Variants in KIAA1958 observed in about 807,000 individuals in gnomAD.
KIAA1958 encodes the protein uncharacterized protein KIAA1958.
In KIAA1958, 14 loss-of-function variants were observed where a neutral mutation model predicts 47.2. The ratio of observed to expected loss-of-function variants is 0.30; its 90% CI spans 0.20 to 0.46. The LOEUF (loss-of-function observed/expected upper bound fraction) is 0.46, where lower values mean the gene tolerates loss of function less well. KIAA1958 is among the 20% of genes least tolerant of loss of function. The pLI is 1.00. For synonymous variants in KIAA1958, 354 were observed against 353.3 expected (o/e 1.00, Z -0.02); for missense variants, 803 against 909.2 (o/e 0.88, Z 1.50).
intron 1 of KIAA1958, among the ~76,000 whole-genome samples, chr9:112,530,687 A>T (rs940634475): frequency 1.3e-5 from 2 of 152,254 alleles, no homozygotes; most frequent in Admixed American, 6.5e-5. Flanking sequence ...AAATCATATT[A>T]GAGAATTTTT....
chr9:112,632,195 TTTA>T (rs1836722234), intron 2 of KIAA1958, among the ~76,000 whole-genome samples: 1 of 152,168 alleles, frequency 6.6e-6, no homozygotes, highest in South Asian at 2.1e-4. Context: ...TATAAATCGT[TTTA>T]TTTTTCATAT....
At chr9:112,569,155 G>A (rs1835486875) in intron 1 of KIAA1958, among the ~76,000 whole-genome samples, 1 of 151,980 alleles carries the variant, frequency 6.6e-6, no homozygotes, top group South Asian at 2.1e-4. Flanking sequence ...TCTATATGTG[G>A]TACTGTTCTT....
In KIAA1958 at chr9:112,574,212, G is replaced by A; in HGVS notation, c.132G>A (p.Leu44=). 1 of 1,614,070 alleles carries A rather than the reference G, an allele frequency of 6.2e-7. No homozygotes were observed. Among genetic ancestry groups the A allele is most frequent in the Non-Finnish European group, 8.5e-7 (1 of 1,179,954 alleles). Residue 44 remains leucine (L), a synonymous_variant, in exon 2 of 4, where the codon CTG becomes CTA. Transcript: ENST00000337530. ...HLLSEGSHGN[L]TAMWGCSAGH... ...TTTCTGAAGGTTCCCATGGGAACCT[G>A]ACAGCAATGTGGGGCTGTAGTGCTG...
intron 1 of KIAA1958, among the ~76,000 whole-genome samples, chr9:112,507,728 AT>A (rs1157160002): frequency 6.6e-6 from 1 of 152,172 alleles, no homozygotes; most frequent in Non-Finnish European, 1.5e-5. Context: ...AGATCAAAGT[AT>A]AACCCTAAAA....
At chr9:112,581,155 C>A (rs888271982) in intron 2 of KIAA1958, among the ~76,000 whole-genome samples, 10 of 152,088 alleles carry the variant, frequency 6.6e-5, no homozygotes, top group Non-Finnish European at 1.5e-4. Context: ...ACCTTAGCTA[C>A]GTCATTTCAC....
intron 1 of KIAA1958, among the ~76,000 whole-genome samples, chr9:112,507,616 T>C (rs1448872935): frequency 6.6e-6 from 1 of 152,242 alleles, no homozygotes; most frequent in Non-Finnish European, 1.5e-5. Flanking sequence ...CCCAAAGTGC[T>C]GGGATTACAG....
chr9:112,507,860 T>C (rs1217430716), intron 1 of KIAA1958, among the ~76,000 whole-genome samples: 1 of 152,072 alleles, frequency 6.6e-6, no homozygotes, highest in Non-Finnish European at 1.5e-5. Context: ...CTTGACTTCC[T>C]GGGCTCAAGC....
At chr9:112,598,197 G>A (rs536402073) in intron 2 of KIAA1958, among the ~76,000 whole-genome samples, 6 of 152,242 alleles carry the variant, frequency 3.9e-5, no homozygotes, top group African/African-American at 1.2e-4. Flanking sequence ...TCCTGATGAG[G>A]GGCCAGCTCG....
intron 3 of KIAA1958, among the ~76,000 whole-genome samples, chr9:112,649,463 A>G (rs1210803759): frequency 6.6e-6 from 1 of 152,096 alleles, no homozygotes; most frequent in Non-Finnish European, 1.5e-5. Flanking sequence ...CCCACCTGAG[A>G]ATTTTAAAAA....
chr9:112,564,602 A>C (rs1835396400), intron 1 of KIAA1958, among the ~76,000 whole-genome samples: 2 of 152,222 alleles, frequency 1.3e-5, no homozygotes. Context: ...TTTGAAAGAA[A>C]AAGTATTTTC....
intron 1 of KIAA1958, among the ~76,000 whole-genome samples, chr9:112,517,133 A>G (rs1323646649): frequency 2.9e-4 from 1 of 3,498 alleles, no homozygotes; most frequent in Non-Finnish European, 5.8e-4. Context: ...GGCAGCTTCC[A>G]TATTTAATAT....
rs1837341322 is a variant in KIAA1958, at chr9:112,665,493, G to A, written c.*5424G>A. 2.0e-5 allele frequency: 3 copies of A among 152,142 alleles called. No homozygotes were observed. The highest frequency in any genetic ancestry group is 2.0e-4 in the Admixed American group (3 of 15,278). 9.4% of individuals were successfully genotyped at this position (152,142 alleles called of 1,614,324 possible). ...TAAGTTTGTAAGTTGGAGAATGCAG[G>A]TTTTCTGACTCCAAATCTAGTGCTC... On this transcript the variant is annotated 3_prime_UTR_variant, in exon 4 of 4. Coordinates refer to ENST00000337530, the MANE Select transcript of KIAA1958 (RefSeq NM_133465.4).
chr9:112,523,146 AGT>A, intron 1 of KIAA1958, among the ~76,000 whole-genome samples: 2 of 152,288 alleles, frequency 1.3e-5, no homozygotes, highest in South Asian at 4.1e-4. Context: ...TTATTTGAGA[AGT>A]GGTATTACAT....
chr9:112,569,860 G>A (rs751515934), intron 1 of KIAA1958, among the ~76,000 whole-genome samples: 18 of 152,116 alleles, frequency 1.2e-4, no homozygotes, highest in Non-Finnish European at 2.5e-4. Flanking sequence ...GTGACCTCAA[G>A]TGATCCACCC....
chr9:112,551,067 A>G, intron 1 of KIAA1958, among the ~76,000 whole-genome samples: 1 of 147,464 alleles, frequency 6.8e-6, no homozygotes. Flanking sequence ...TAGGGAGGTT[A>G]TAGTTTTGTC....
chr9:112,598,471 G>C (rs2131197508), intron 2 of KIAA1958, among the ~76,000 whole-genome samples: 1 of 152,298 alleles, frequency 6.6e-6, no homozygotes. Flanking sequence ...CACTCAGGCT[G>C]CTGTGTGGAG....
chr9:112,493,674 A>G (rs1270754624), intron 1 of KIAA1958, among the ~76,000 whole-genome samples: 3 of 152,202 alleles, frequency 2.0e-5, no homozygotes, highest in Non-Finnish European at 2.9e-5. Flanking sequence ...TTCTGTAATC[A>G]TCTAGTAGTC....
chr9:112,602,739 A>G (rs557244256), intron 2 of KIAA1958, among the ~76,000 whole-genome samples: 1 of 152,258 alleles, frequency 6.6e-6, no homozygotes, highest in South Asian at 2.1e-4. Context: ...TCATTTTAAT[A>G]CCATTTTTAC....
intron 2 of KIAA1958, among the ~76,000 whole-genome samples, chr9:112,634,308 A>C (rs1836762594): frequency 1.3e-5 from 2 of 152,088 alleles, no homozygotes; most frequent in Admixed American, 1.3e-4. Flanking sequence ...GGCTCCCTGC[A>C]ACCTCTACTT....
Sources: allele counts gnomAD v4.1 joint callset (sites outside exome capture counted in the v4.1 genomes callset), GRCh38; gene constraint gnomAD v4.1.1; transcripts MANE v1.5; gene names NCBI Gene and HGNC (gene_info 2026-07-23, HGNC 2026-07-21).